The following KPNA4 variants were observed in gnomAD, a reference collection of about 807,000 sequenced individuals.
KPNA4 encodes the protein karyopherin subunit alpha 4, also known as importin subunit alpha-3.
Under a neutral mutation model 71.3 loss-of-function variants are expected in KPNA4, and 13 were observed. The observed-to-expected ratio is 0.18, with a 90% CI of 0.12 to 0.29. KPNA4 has a LOEUF of 0.29. Among genes scored for constraint, KPNA4 ranks in the 10% least tolerant of loss-of-function variants. The probability of loss-of-function intolerance (pLI) is 1.00; values close to 1 mark genes in which losing one functional copy is unlikely to be tolerated. For missense variants in KPNA4, 334 were observed against 603.2 expected (o/e 0.55, Z 4.67); for synonymous variants, 189 against 195.2 (o/e 0.97, Z 0.26).
At chr3:160,549,527 C>T (rs1253414356) in intron 1 of KPNA4, among the ~76,000 whole-genome samples, 1 of 152,184 alleles carries the variant, frequency 6.6e-6, no homozygotes, top group Non-Finnish European at 1.5e-5. Context: ...TGTTAAAGGA[C>T]TATCCTTTCT....
intron 1 of KPNA4, among the ~76,000 whole-genome samples, chr3:160,554,314 G>C (rs187582694): frequency 2.1e-3 from 318 of 152,246 alleles, no homozygotes; most frequent in Non-Finnish European, 3.8e-3. Flanking sequence ...TCTAACTCCA[G>C]ATGACTTTCA....
intron 1 of KPNA4, among the ~76,000 whole-genome samples, chr3:160,560,612 A>G (rs949567656): frequency 1.3e-5 from 2 of 151,848 alleles, no homozygotes; most frequent in African/African-American, 4.8e-5. Context: ...TTTCTAAAGT[A>G]GCTTCATTCT....
intron 1 of KPNA4, among the ~76,000 whole-genome samples, chr3:160,563,577 G>A (rs986427680): frequency 2.0e-5 from 3 of 152,136 alleles, no homozygotes; most frequent in Non-Finnish European, 4.4e-5. Flanking sequence ...AGGAAAAAAG[G>A]GTTATAGGGA....
chr3:160,533,789 C>T (rs1721621969), intron 5 of KPNA4, among the ~76,000 whole-genome samples: 1 of 152,066 alleles, frequency 6.6e-6, no homozygotes, highest in African/African-American at 2.4e-5. Flanking sequence ...TCTTGCATAC[C>T]CATGAAATTG....
Position 160,525,791 on chromosome 3 carries a change from T to C in KPNA4, c.771+9A>G, listed in dbSNP as rs749514322. On this transcript the variant is annotated intron_variant, in intron 10 of 16. Coordinates refer to ENST00000334256, the MANE Select transcript of KPNA4 (RefSeq NM_002268.5). Reference sequence around the variant, plus strand: ...ATACATAAATATATAATAGGACACATTTACTCACATTTACATCTGTGTGAT... The same window carrying C: ...ATACATAAATATATAATAGGACACACTTACTCACATTTACATCTGTGTGAT... 5.2e-6 allele frequency: 8 copies of C among 1,531,104 alleles called. No homozygotes were observed. In the Admixed American group the frequency reaches 5.6e-5, roughly 11 times the overall value. 94.8% of individuals were successfully genotyped at this position (1,531,104 alleles called of 1,614,324 possible).
chr3:160,532,413 T>C (rs1255703627), intron 5 of KPNA4, among the ~76,000 whole-genome samples: 1 of 152,154 alleles, frequency 6.6e-6, no homozygotes, highest in African/African-American at 2.4e-5. Flanking sequence ...TTTAAGGCCA[T>C]AAAAGTTCAA....
chr3:160,508,709 G>A (rs1037161657), intron 14 of KPNA4, among the ~76,000 whole-genome samples: 3 of 151,846 alleles, frequency 2.0e-5, no homozygotes, highest in African/African-American at 4.8e-5. Flanking sequence ...TATAGAGACG[G>A]GGGTCTCACT....
At chr3:160,553,790 T>C (rs1259386779) in intron 1 of KPNA4, among the ~76,000 whole-genome samples, 1 of 152,206 alleles carries the variant, frequency 6.6e-6, no homozygotes, top group Non-Finnish European at 1.5e-5. Flanking sequence ...TTTGCATAAA[T>C]CTCAAGGAGA....
intron 1 of KPNA4, among the ~76,000 whole-genome samples, chr3:160,540,051 G>A (rs1721768052): frequency 1.4e-5 from 2 of 146,052 alleles, no homozygotes; most frequent in South Asian, 4.3e-4. Context: ...CCAGGCTGGA[G>A]TACAGTAACG....
intron 1 of KPNA4, among the ~76,000 whole-genome samples, chr3:160,550,387 A>G (rs1190268135): frequency 1.3e-5 from 2 of 152,340 alleles, no homozygotes; most frequent in East Asian, 3.9e-4. Context: ...CCTTCCAAGT[A>G]GCTGGGACTC....
chr3:160,510,642 CTAAA>C (rs1460726962), intron 13 of KPNA4, among the ~76,000 whole-genome samples: 1 of 151,978 alleles, frequency 6.6e-6, no homozygotes, highest in Non-Finnish European at 1.5e-5. Context: ...ATAAGAAAAT[CTAAA>C]TATTTGTGTG....
At chr3:160,541,668 C>T (rs1030773169) in intron 1 of KPNA4, among the ~76,000 whole-genome samples, 82 of 151,766 alleles carry the variant, frequency 5.4e-4, no homozygotes, top group African/African-American at 1.8e-3. Flanking sequence ...CACACACACA[C>T]ACACACACAC....
rs748970284 is a variant in KPNA4 at position 160,535,871 on chromosome 3, C to T, written c.141G>A (p.Lys47=). Residue 47 remains lysine, a synonymous_variant, in exon 3 of 17, where the codon AAG becomes AAA. Coordinates refer to ENST00000334256, the MANE Select transcript of KPNA4 (RefSeq NM_002268.5). The part of the protein sequence containing the change: ...RKNKRDEHLL[K]RRNVPHEDIC... ...TATCTTCATGTGGTACATTCCTTCTCTTTAAGAGATGTTCATCTCTTTTAT... is the reference window on the plus strand; with the variant it reads ...TATCTTCATGTGGTACATTCCTTCTTTTTAAGAGATGTTCATCTCTTTTAT... 16 of 434,598 alleles carry T rather than the reference C, an allele frequency of 3.7e-5. No individual in the cohort carries two copies. Among genetic ancestry groups the T allele is most frequent in the Non-Finnish European group, 5.3e-5 (16 of 299,836 alleles). 26.9% of individuals were successfully genotyped at this position (434,598 alleles called of 1,614,324 possible).
rs1721055487 is a variant in KPNA4 at position 160,509,787 on chromosome 3, A to G, written c.1209+13T>C. The G allele has an allele frequency of 6.5e-7, 1 of 1,541,760 alleles. No individual in the cohort carries two copies. The highest frequency in any genetic ancestry group is 9.0e-7 in the Non-Finnish European group (1 of 1,115,000). On this transcript the variant is annotated intron_variant, in intron 14 of 16. Transcript: ENST00000334256. The stretch of plus-strand genomic sequence containing the variant: ...CCAGTTTTGAGAAATAAATTTTAAA[A>G]AGCTCAACTTACTTGATCTTTCCTT...
intron 1 of KPNA4, among the ~76,000 whole-genome samples, chr3:160,555,422 C>T (rs191960517): frequency 6.6e-6 from 1 of 152,274 alleles, no homozygotes; most frequent in African/African-American, 2.4e-5. Context: ...GGGTGTGTTC[C>T]AAGACCCCCA....
intron 1 of KPNA4, among the ~76,000 whole-genome samples, chr3:160,540,408 G>A (rs1209580811): frequency 1.3e-5 from 2 of 152,172 alleles, no homozygotes; most frequent in South Asian, 4.1e-4. Flanking sequence ...TAGCACTGTA[G>A]TAACAACATA....
In KPNA4 at chr3:160,525,992, C is replaced by T; in HGVS notation, c.672G>A (p.Met224Ile). ...GGTCTTTGTGGCGACATAAGTTGAC[C>T]ATAACCCAAGTAACATTTCTTAAGA... ...ITFLRNVTWV[M>I]VNLCRHKDPP... Residue 224 changes from methionine to isoleucine, a missense_variant, in exon 9 of 17, where the codon ATG becomes ATA. Transcript: ENST00000334256. The T allele has an allele frequency of 6.3e-7, 1 of 1,597,424 alleles. No individual in the cohort carries two copies. Among genetic ancestry groups the T allele is most frequent in the African/African-American group, 1.3e-5 (1 of 74,332 alleles).
intron 15 of KPNA4, among the ~76,000 whole-genome samples, chr3:160,507,291 G>C (rs1560043771): frequency 6.6e-6 from 1 of 152,060 alleles, no homozygotes; most frequent in Non-Finnish European, 1.5e-5. Context: ...CTGAGGTCAG[G>C]AGTTCAACAG....
chr3:160,514,339 A>G (rs1209532288), intron 12 of KPNA4, among the ~76,000 whole-genome samples, 158 bp from the exon 13 acceptor site: 26 of 152,212 alleles, frequency 1.7e-4, no homozygotes, highest in Non-Finnish European at 1.5e-4. Context: ...ACCCCTTTCC[A>G]TATTTTCTTT....
Sources: gnomAD v4.1 joint callset for allele counts (sites outside exome capture counted in the v4.1 genomes callset) on GRCh38, gnomAD v4.1.1 for gene constraint, MANE v1.5 for transcripts, NCBI Gene and HGNC (gene_info 2026-07-23, HGNC 2026-07-21) for gene names.